The following ZNF143 variants were observed in gnomAD, a reference collection of about 807,000 sequenced individuals.
ZNF143 encodes the protein SPH-binding factor.
ZNF143 carries 49 observed loss-of-function variants against 74.1 expected under a neutral mutation model. The observed-to-expected ratio is 0.66, with a 90% CI of 0.53 to 0.84. The LOEUF is 0.84. Among genes scored for constraint, ZNF143 ranks in the 40% least tolerant of loss-of-function variants. The probability of loss-of-function intolerance (pLI) is 0.00; values close to 1 mark genes in which losing one functional copy is unlikely to be tolerated. For missense variants in ZNF143, 637 were observed against 793.4 expected (o/e 0.80, Z 2.37); for synonymous variants, 304 against 282.8 (o/e 1.07, Z -0.75).
chr11:9,462,544 CAG>C (rs1855928964), intron 1 of ZNF143, among the ~76,000 whole-genome samples: 1 of 147,258 alleles, frequency 6.8e-6, no homozygotes, highest in Non-Finnish European at 1.5e-5. Context: ...GTCTGGGTGA[CAG>C]AGACCGGTCT....
At chr11:9,508,582 T>G in intron 11 of ZNF143, 37 bp from the exon 12 acceptor site, 1 of 1,590,448 alleles carries the variant, frequency 6.3e-7, no homozygotes, top group East Asian at 2.2e-5. Flanking sequence ...TGCCTACATA[T>G]GTAAAAGTTG....
At chr11:9,483,229 A>G (rs1460264507) in intron 7 of ZNF143, among the ~76,000 whole-genome samples, 2 of 146,008 alleles carry the variant, frequency 1.4e-5, no homozygotes, top group Admixed American at 6.9e-5. Context: ...CCTGACCTCC[A>G]GTGATCAACC....
At chr11:9,495,791 T>C (rs1366052458) in intron 8 of ZNF143, among the ~76,000 whole-genome samples, 1 of 152,240 alleles carries the variant, frequency 6.6e-6, no homozygotes, top group Admixed American at 6.5e-5. Flanking sequence ...CAGTAAATGT[T>C]AGCCATTGTC....
intron 14 of ZNF143, among the ~76,000 whole-genome samples, chr11:9,518,404 A>G (rs1848794729): frequency 6.6e-6 from 1 of 152,222 alleles, no homozygotes. Context: ...AAAGATGTTC[A>G]ACATCATTAG....
At chr11:9,486,396 A>ATAATATATATAATATATATTAT (rs1245802133) in intron 7 of ZNF143, among the ~76,000 whole-genome samples, 1 of 11,922 alleles carries the variant, frequency 8.4e-5, no homozygotes, top group South Asian at 2.3e-3. Context: ...TAATATATAT[A>ATAATATATATAATATATATTAT]ATATATTATA....
At chr11:9,524,278 A>G (rs1040782447) in intron 14 of ZNF143, among the ~76,000 whole-genome samples, 2 of 152,186 alleles carry the variant, frequency 1.3e-5, no homozygotes, top group Admixed American at 1.3e-4. Flanking sequence ...TCTTTTGAGA[A>G]TCCCCTCTAG....
At chr11:9,467,724 G>A (rs368321179) in intron 1 of ZNF143, among the ~76,000 whole-genome samples, 41 of 151,780 alleles carry the variant, frequency 2.7e-4, no homozygotes, top group African/African-American at 8.7e-4. Flanking sequence ...GTGTGCGCCT[G>A]TAATCCCAGT....
intron 8 of ZNF143, among the ~76,000 whole-genome samples, chr11:9,496,040 G>A (rs919663781): frequency 2.6e-5 from 4 of 152,076 alleles, no homozygotes; most frequent in Non-Finnish European, 5.9e-5. Context: ...GTTTCATGCA[G>A]ACACCTTTGA....
At chr11:9,518,737 C>A (rs1487386051) in intron 14 of ZNF143, among the ~76,000 whole-genome samples, 1 of 150,308 alleles carries the variant, frequency 6.7e-6, no homozygotes, top group Non-Finnish European at 1.5e-5. Flanking sequence ...AAAAAAAAAG[C>A]TTCTGGTTAT....
At position 9,471,325 on chromosome 11, in the gene ZNF143, T is replaced by G. The variant is rs1229117601; in HGVS notation, c.17T>G (p.Ile6Arg). MLLAQ[I>R]NRDSQGMTEF... ...AGGTAGAAGATGTTGTTAGCCCAAATAAATCGAGATTCTCAGGGAATGACA... is the reference window on the plus strand; with the variant it reads ...AGGTAGAAGATGTTGTTAGCCCAAAGAAATCGAGATTCTCAGGGAATGACA... Residue 6 changes from isoleucine to arginine, a missense_variant, in exon 2 of 16, where the codon ATA becomes AGA. Ile to Arg is a moderately conservative substitution (Grantham distance 97). Transcript: ENST00000396602. The G allele has an allele frequency of 2.5e-6, 4 of 1,611,772 alleles. No homozygotes were observed. In the African/African-American group the frequency reaches 4.0e-5, roughly 16 times the overall value.
At chr11:9,525,884 A>T (rs116731845) in intron 15 of ZNF143, among the ~76,000 whole-genome samples, 307 of 152,264 alleles carry the variant, frequency 2.0e-3, no homozygotes, top group African/African-American at 7.0e-3. Flanking sequence ...GCTCATCCCT[A>T]TAATCCTAGC....
At chr11:9,507,655 A>C (rs778438189) in intron 11 of ZNF143, among the ~76,000 whole-genome samples, 2 of 152,164 alleles carry the variant, frequency 1.3e-5, no homozygotes, top group Non-Finnish European at 2.9e-5. Flanking sequence ...CATTTAAACA[A>C]TTAGGTTAAT....
At chr11:9,484,964 AT>A (rs1847409712) in intron 7 of ZNF143, among the ~76,000 whole-genome samples, 1 of 149,254 alleles carries the variant, frequency 6.7e-6, no homozygotes, top group Non-Finnish European at 1.5e-5. Flanking sequence ...CGCCCGGCTA[AT>A]TTTTTGTATT....
intron 12 of ZNF143, among the ~76,000 whole-genome samples, chr11:9,512,126 T>C (rs981699151): frequency 1.3e-5 from 2 of 152,192 alleles, no homozygotes; most frequent in African/African-American, 4.8e-5. Flanking sequence ...AGTTTTCCTG[T>C]ACAGTTCCTC....
intron 2 of ZNF143, 59 bp from the exon 3 acceptor site, chr11:9,472,618 A>C: frequency 7.0e-7 from 1 of 1,430,494 alleles, no homozygotes; most frequent in South Asian, 1.2e-5. Flanking sequence ...TGAAAAAAAA[A>C]TTAATCAGCA....
chr11:9,473,841 T>C (rs1419459022), intron 3 of ZNF143, 100 bp from the exon 4 acceptor site: 1 of 1,606,928 alleles, frequency 6.2e-7, no homozygotes, highest in African/African-American at 1.3e-5. Context: ...GAACACGAGC[T>C]TAAGTTGTGT....
intron 1 of ZNF143, among the ~76,000 whole-genome samples, chr11:9,463,420 C>G (rs903758828): frequency 5.9e-5 from 9 of 152,228 alleles, no homozygotes; most frequent in African/African-American, 2.2e-4. Flanking sequence ...GTTCCAGTTT[C>G]TCCATATCCT....
intron 14 of ZNF143, 83 bp from the exon 15 acceptor site, chr11:9,525,157 A>G (rs1314113530): frequency 1.3e-6 from 2 of 1,504,514 alleles, no homozygotes; most frequent in South Asian, 1.2e-5. Flanking sequence ...ATTTGAAGAA[A>G]TCCATTGTAT....
intron 1 of ZNF143, among the ~76,000 whole-genome samples, chr11:9,463,099 A>G (rs753688794): frequency 3.3e-5 from 5 of 152,234 alleles, no homozygotes; most frequent in Non-Finnish European, 7.3e-5. Context: ...CATTTATGTT[A>G]TAACATGTGT....
Sources: allele counts gnomAD v4.1 joint callset (sites outside exome capture counted in the v4.1 genomes callset), GRCh38; gene constraint gnomAD v4.1.1; transcripts MANE v1.5; gene names NCBI Gene and HGNC (gene_info 2026-07-23, HGNC 2026-07-21).